Variants in FAM169A observed in about 807,000 individuals in gnomAD.
FAM169A encodes the protein soluble lamin-associated protein of 75 kDa.
Under a neutral mutation model 75.7 loss-of-function variants are expected in FAM169A, and 24 were observed. The ratio of observed to expected loss-of-function variants is 0.32; its 90% CI spans 0.23 to 0.45. The LOEUF is 0.45. FAM169A is among the 20% of genes least tolerant of loss of function. FAM169A has a pLI of 1.00. For synonymous variants in FAM169A, 271 were observed against 271.0 expected, an observed-to-expected ratio of 1.00 and a Z score of 0.00; for missense variants, 673 against 784.0, an observed-to-expected ratio of 0.86 and a Z score of 1.69.
chr5:74,820,247 C>G (rs1341899493), intron 5 of FAM169A, among the ~76,000 whole-genome samples: 1 of 152,052 alleles, frequency 6.6e-6, no homozygotes, highest in East Asian at 1.9e-4. Flanking sequence ...CCACCCACCT[C>G]AGCCTCCCAA....
chr5:74,844,077 G>A (rs944486487), intron 1 of FAM169A, among the ~76,000 whole-genome samples: 10 of 152,310 alleles, frequency 6.6e-5, no homozygotes, highest in East Asian at 1.9e-4. Flanking sequence ...AAAAAAGTAA[G>A]ATGGAAAGAA....
At chr5:74,815,124 C>T (rs1231490547) in intron 5 of FAM169A, among the ~76,000 whole-genome samples, 2 of 151,910 alleles carry the variant, frequency 1.3e-5, no homozygotes, top group East Asian at 1.9e-4. Flanking sequence ...CCGAGACTAC[C>T]GACTAATTTA....
At chr5:74,798,251 G>C (rs550839152) in intron 10 of FAM169A, among the ~76,000 whole-genome samples, 2 of 152,148 alleles carry the variant, frequency 1.3e-5, no homozygotes, top group African/African-American at 4.8e-5. Flanking sequence ...TCAATCCTTT[G>C]AGGGCAAAGA....
rs2112527810 is a variant in FAM169A at position 74,800,862 on chromosome 5, A to C, written c.1103+18T>G. 1 of 1,359,628 alleles carries C rather than the reference A, an allele frequency of 7.4e-7. No homozygotes were observed. The highest frequency in any genetic ancestry group is 2.8e-5 in the East Asian group (1 of 36,204). 84.2% of individuals were successfully genotyped at this position (1,359,628 alleles called of 1,614,324 possible). A position where few individuals can be genotyped will look rare whatever the true frequency, so the allele number is the denominator to read the frequency against. On this transcript the variant is annotated intron_variant, in intron 10 of 12. Transcript: ENST00000687041. Reference sequence around the variant, plus strand: ...AAAGTACAAATAAAAAATGAGAGTAAAATCAACAATTATTTACTTGTTTAT... The same window carrying C: ...AAAGTACAAATAAAAAATGAGAGTACAATCAACAATTATTTACTTGTTTAT...
chr5:74,832,596 A>G (rs1375362139), intron 5 of FAM169A, among the ~76,000 whole-genome samples: 2 of 149,808 alleles, frequency 1.3e-5, no homozygotes, highest in African/African-American at 2.4e-5. Flanking sequence ...TATATATGAA[A>G]TATGTTTATA....
intron 5 of FAM169A, among the ~76,000 whole-genome samples, chr5:74,821,010 T>C (rs1473376299): frequency 6.6e-6 from 1 of 152,196 alleles, no homozygotes; most frequent in Non-Finnish European, 1.5e-5. Flanking sequence ...CACTATTCCA[T>C]CACTTCATTC....
intron 6 of FAM169A, among the ~76,000 whole-genome samples, chr5:74,810,974 ATTTT>A (rs764689046): frequency 8.1e-4 from 81 of 99,844 alleles, no homozygotes; most frequent in African/African-American, 3.1e-3. Context: ...CTAGGCCTGG[ATTTT>A]TTTTTTTTTT....
At chr5:74,863,237 C>T (rs1335936056) in intron 1 of FAM169A, among the ~76,000 whole-genome samples, 2 of 152,136 alleles carry the variant, frequency 1.3e-5, no homozygotes, top group Non-Finnish European at 2.9e-5. Flanking sequence ...TTTAAATCAT[C>T]ACACCTTTTC....
At chr5:74,833,448 A>C (rs1010600468) in intron 5 of FAM169A, among the ~76,000 whole-genome samples, 3 of 152,196 alleles carry the variant, frequency 2.0e-5, no homozygotes, top group African/African-American at 7.2e-5. Context: ...GTATTTACCT[A>C]AAGAAAAACC....
At chr5:74,806,473 G>C (rs145177250) in intron 6 of FAM169A, among the ~76,000 whole-genome samples, 1 of 138,346 alleles carries the variant, frequency 7.2e-6, no homozygotes, top group Non-Finnish European at 1.5e-5. Flanking sequence ...TAGGACATTA[G>C]GGTTCAGATG....
chr5:74,835,924 T>C (rs144790139), intron 4 of FAM169A, among the ~76,000 whole-genome samples: 125 of 152,280 alleles, frequency 8.2e-4, no homozygotes, highest in African/African-American at 3.0e-3. Context: ...CTATAAATAT[T>C]TGAAGATAGA....
chr5:74,861,457 C>CT (rs1750031798), intron 1 of FAM169A, among the ~76,000 whole-genome samples: 1 of 152,118 alleles, frequency 6.6e-6, no homozygotes, highest in African/African-American at 2.4e-5. Context: ...CAAAGTTGAC[C>CT]AGACATAGTG....
At position 74,781,458 on chromosome 5, in the gene FAM169A, C is replaced by T. The variant is rs772962791; in HGVS notation, c.*2G>A. ...GGATTTATCATCCACTTTCTTCTTC[C>T]TTCAGGTCAGCTTAGCTTTCTTCTT... is the stretch of plus-strand genomic sequence containing the variant. On this transcript the variant is annotated 3_prime_UTR_variant, in exon 13 of 13. Transcript: ENST00000687041. The T allele has an allele frequency of 3.7e-6, 6 of 1,610,548 alleles. No individual in the cohort carries two copies. Among genetic ancestry groups the T allele is most frequent in the Middle Eastern group, 1.7e-4 (1 of 6,040 alleles).
intron 4 of FAM169A, 148 bp downstream of exon 4, chr5:74,838,817 T>C: frequency 1.5e-6 from 1 of 674,024 alleles, no homozygotes; most frequent in Non-Finnish European, 2.6e-6. Flanking sequence ...CCAACCCGAA[T>C]GCTGGCTTCA....
rs1463428506 is a variant in FAM169A, at chr5:74,837,889, G to A, written c.318+1076C>T. ...TCCTAGCACTTTGGGAGGCTGAGGC[G>A]GGTGGATCACTTGAAGTCGGGAGTT... On this transcript the variant is annotated intron_variant, in intron 4 of 12. Transcript: ENST00000687041. Among the ~76,000 whole-genome samples, 12 of 152,032 alleles carry A rather than the reference G, an allele frequency of 7.9e-5. No individual in the cohort carries two copies. In the Middle Eastern group the frequency reaches 0.01, roughly 129 times the overall value.
chr5:74,782,973 C>T lies in FAM169A; in HGVS notation c.1422G>A (p.Val474=). 6.2e-7 allele frequency: 1 copy of T among 1,613,894 alleles called. No homozygotes were observed. Among genetic ancestry groups the T allele is most frequent in the Non-Finnish European group, 8.5e-7 (1 of 1,179,852 alleles). ...CCTCAGGGGGTTTTGAAGATTCTAC[C>T]ACCAGTGGAACAAGATTTGTAGAGT... ...SEDSTNLVPL[V]VESSKPPEVD... The change falls in exon 12 of 13, where the codon GTG becomes GTA. Residue 474 remains valine, a synonymous_variant. Coordinates refer to ENST00000687041, the MANE Select transcript of FAM169A (RefSeq NM_001376049.1).
At chr5:74,788,003 G>A (rs1338609895) in intron 11 of FAM169A, among the ~76,000 whole-genome samples, 1 of 152,170 alleles carries the variant, frequency 6.6e-6, no homozygotes, top group Non-Finnish European at 1.5e-5. Context: ...AATTTATGCT[G>A]TGAGTCTTTC....
chr5:74,820,764 T>C (rs1434189559), intron 5 of FAM169A, among the ~76,000 whole-genome samples: 4 of 152,212 alleles, frequency 2.6e-5, no homozygotes, highest in Middle Eastern at 3.4e-3. Context: ...AAACCAGATG[T>C]TACTCCTATA....
chr5:74,793,525 A>G (rs1006889216), intron 11 of FAM169A, among the ~76,000 whole-genome samples: 1 of 152,152 alleles, frequency 6.6e-6, no homozygotes, highest in Non-Finnish European at 1.5e-5. Flanking sequence ...CAAAGGCATA[A>G]GAGTGTTATC....
Sources: gnomAD v4.1 joint callset for allele counts (sites outside exome capture counted in the v4.1 genomes callset) on GRCh38, gnomAD v4.1.1 for gene constraint, MANE v1.5 for transcripts, NCBI Gene and HGNC (gene_info 2026-07-23, HGNC 2026-07-21) for gene names.